The following WNT9B variants were observed in gnomAD, a reference collection of about 807,000 sequenced individuals.
The protein encoded by WNT9B is protein Wnt-9b.
A neutral mutation model predicts 30.2 loss-of-function variants in WNT9B; 12 were observed. The observed-to-expected ratio is 0.40, with a 90% CI of 0.26 to 0.64. The LOEUF (loss-of-function observed/expected upper bound fraction) is 0.64, where lower values mean the gene tolerates loss of function less well. WNT9B is among the 30% of genes least tolerant of loss of function. The pLI is 0.42. For missense variants in WNT9B, 442 were observed against 485.2 expected, an observed-to-expected ratio of 0.91 and a Z score of 0.84; for synonymous variants, 218 against 216.9, an observed-to-expected ratio of 1.01 and a Z score of -0.05.
intron 1 of WNT9B, among the ~76,000 whole-genome samples, chr17:46,863,843 C>T (rs1039893899): frequency 9.2e-5 from 14 of 152,140 alleles, no homozygotes; most frequent in African/African-American, 3.4e-4. Flanking sequence ...CCAAGGGAGC[C>T]GCTCACAACT....
chr17:46,862,475 T>G (rs1055385372), intron 1 of WNT9B, among the ~76,000 whole-genome samples: 4 of 152,194 alleles, frequency 2.6e-5, no homozygotes, highest in African/African-American at 9.7e-5. Context: ...ACTTGTAGTT[T>G]TCTGAGTTTC....
intron 3 of WNT9B, 78 bp from the exon 4 acceptor site, chr17:46,876,166 TG>T: frequency 1.5e-6 from 2 of 1,344,166 alleles, no homozygotes; most frequent in Non-Finnish European, 2.0e-6. Context: ...TCTGCCCTGC[TG>T]GGGTTGGTGC....
chr17:46,855,668 C>T (rs908882939), intron 1 of WNT9B, among the ~76,000 whole-genome samples: 1 of 152,198 alleles, frequency 6.6e-6, no homozygotes, highest in Non-Finnish European at 1.5e-5. Context: ...ATGAGCTGGG[C>T]ACAAGACAGG....
Position 46,851,670 on chromosome 17 carries a change from G to A in WNT9B, c.32G>A (p.Gly11Glu). 7.6e-7 allele frequency: 1 copy of A among 1,308,972 alleles called. No individual in the cohort carries two copies. Among genetic ancestry groups the A allele is most frequent in the Non-Finnish European group, 9.7e-7 (1 of 1,032,832 alleles). 81.1% of individuals were successfully genotyped at this position (1,308,972 alleles called of 1,614,324 possible). ...CCCCCGCCCGCGCTGGCCCTGGCCG[G>A]GCTCTGCCTGCTGGCGCTGCCCGCC... MRPPPALALA[G>E]LCLLALPAAA... Residue 11 changes from glycine to glutamate, a missense_variant, in exon 1 of 4, where the codon GGG becomes GAG. Coordinates refer to ENST00000290015, the MANE Select transcript of WNT9B (RefSeq NM_003396.3). This position sits in a 1 kb window ranked among gnomAD's most constrained non-coding sequence, Gnocchi z 4.3.
rs1296476775 is a variant in WNT9B, at chr17:46,880,442, G to A, written c.*3724G>A. ...TTTAGGGATCTCTTATTGAGCACCA[G>A]GCAGCATCCTGGGTGCTTGGTGCAG... On this transcript the variant is annotated 3_prime_UTR_variant, in exon 4 of 4. Coordinates refer to ENST00000290015, the MANE Select transcript of WNT9B (RefSeq NM_003396.3). Among the ~76,000 whole-genome samples, 4 of 152,206 alleles carry A rather than the reference G, an allele frequency of 2.6e-5. No individual in the cohort carries two copies. Among genetic ancestry groups the A allele is most frequent in the Non-Finnish European group, 4.4e-5 (3 of 68,036 alleles).
At chr17:46,866,343 G>T (rs952675161) in intron 1 of WNT9B, among the ~76,000 whole-genome samples, 5 of 152,186 alleles carry the variant, frequency 3.3e-5, no homozygotes, top group Middle Eastern at 6.8e-3. Context: ...AGGGGCTAGG[G>T]GTGTGTGAGA....
chr17:46,856,322 G>C (rs1414291661), intron 1 of WNT9B, among the ~76,000 whole-genome samples: 2 of 152,192 alleles, frequency 1.3e-5, no homozygotes, highest in Non-Finnish European at 2.9e-5. Context: ...TGGCACATAT[G>C]TGCTAAGTGC....
Position 46,872,693 on chromosome 17 carries a change from G to A in WNT9B, c.254G>A (p.Gly85Asp). ...ACCCTGAGGGATGCTGCGCACCTCGGCCTGCTTGAGTGCCAGTTTCAGTTC... is the reference window on the plus strand; with the variant it reads ...ACCCTGAGGGATGCTGCGCACCTCGACCTGCTTGAGTGCCAGTTTCAGTTC... ...AETLRDAAHL[G>D]LLECQFQFRH... The change falls in exon 2 of 4, where the codon GGC becomes GAC. Residue 85 changes from glycine to aspartate, a missense_variant. Transcript: ENST00000290015. The A allele has an allele frequency of 6.2e-7, 1 of 1,613,490 alleles. No homozygotes were observed.
intron 1 of WNT9B, among the ~76,000 whole-genome samples, chr17:46,856,616 T>C (rs1240378421): frequency 6.6e-6 from 1 of 151,918 alleles, no homozygotes; most frequent in East Asian, 1.9e-4. Flanking sequence ...CTCAAGTAGA[T>C]GGGATGACAA....
chr17:46,853,133 C>T (rs1430057246), intron 1 of WNT9B, among the ~76,000 whole-genome samples: 1 of 152,088 alleles, frequency 6.6e-6, no homozygotes, highest in African/African-American at 2.4e-5. Context: ...ATGGTTGTTC[C>T]CTCGGCAGGC....
chr17:46,874,885 T>A, intron 2 of WNT9B: 1 of 720,218 alleles, frequency 1.4e-6, no homozygotes, highest in East Asian at 2.7e-5. Context: ...GCCTGGAAGT[T>A]CCATTTAAAT....
rs533253241 is a variant in WNT9B at position 46,846,048 on chromosome 17, C to T, written c.95+12608C>T. Among the ~76,000 whole-genome samples the T allele has an allele frequency of 3.9e-5, 6 of 152,248 alleles. No individual in the cohort carries two copies. In the East Asian group the frequency reaches 9.6e-4, roughly 24 times the overall value. On this transcript the variant is annotated intron_variant, in intron 1 of 2. Transcript: ENST00000575372. Reference sequence around the variant, plus strand: ...TCAGGTGCTCCACCCACTTCAGCCTCCCAAAGTTCTGGGATTATAGGTGTG... The same window carrying T: ...TCAGGTGCTCCACCCACTTCAGCCTTCCAAAGTTCTGGGATTATAGGTGTG...
Position 46,851,763 on chromosome 17 carries a change from T to A in WNT9B, c.77+48T>A. On this transcript the variant is annotated intron_variant, in intron 1 of 3. Transcript: ENST00000290015. The surrounding 1 kb of genome is among the most constrained non-coding windows in gnomAD (Gnocchi z 4.3). ...GCCCGCTCCCCGGCCTGCCTGTCTC[T>A]CCCTCCTGCGCTACAGCTGGGCCAA... 1 of 1,013,552 alleles carries A rather than the reference T, an allele frequency of 9.9e-7. No homozygotes were observed. Among genetic ancestry groups the A allele is most frequent in the Non-Finnish European group, 1.3e-6 (1 of 781,262 alleles). 62.8% of individuals were successfully genotyped at this position (1,013,552 alleles called of 1,614,324 possible). A position where few individuals can be genotyped will look rare whatever the true frequency, so the allele number is the denominator to read the frequency against.
intron 1 of WNT9B, among the ~76,000 whole-genome samples, chr17:46,858,752 G>T (rs1257560052): frequency 6.6e-6 from 1 of 152,026 alleles, no homozygotes; most frequent in Admixed American, 6.6e-5. Context: ...CTACAGCCTC[G>T]ACCTTCTGGA....
intron 1 of WNT9B, among the ~76,000 whole-genome samples, chr17:46,855,986 G>A (rs2084932210): frequency 6.6e-6 from 1 of 152,192 alleles, no homozygotes; most frequent in Admixed American, 6.5e-5. Flanking sequence ...ACCATGCCCG[G>A]CCCCCAGTCC....
intron 1 of WNT9B, among the ~76,000 whole-genome samples, chr17:46,863,387 G>C (rs982769280): frequency 1.3e-5 from 2 of 152,226 alleles, no homozygotes; most frequent in Admixed American, 6.5e-5. Context: ...TCTGGACTGG[G>C]AAAGAATGGA....
intron 1 of WNT9B, among the ~76,000 whole-genome samples, chr17:46,868,904 G>A (rs1199489977): frequency 6.6e-6 from 1 of 152,216 alleles, no homozygotes; most frequent in African/African-American, 2.4e-5. Flanking sequence ...GAAGCCATGG[G>A]CTGAGCATGT....
intron 1 of WNT9B, among the ~76,000 whole-genome samples, chr17:46,871,399 C>T (rs2146596791): frequency 6.6e-6 from 1 of 152,306 alleles, no homozygotes; most frequent in South Asian, 2.1e-4. Flanking sequence ...ACTCTAATTC[C>T]AATTCCCACC....
intron 1 of WNT9B, among the ~76,000 whole-genome samples, chr17:46,840,042 T>C (rs2084693625): frequency 6.7e-6 from 1 of 149,728 alleles, no homozygotes; most frequent in African/African-American, 2.5e-5. Context: ...TTTTCTTTCT[T>C]TCTTTCTCTC....
Sources: gnomAD v4.1 joint callset for allele counts (sites outside exome capture counted in the v4.1 genomes callset) on GRCh38, gnomAD v4.1.1 for gene constraint, Gnocchi (gnomAD v3.1) non-coding constraint, MANE v1.5 for transcripts, NCBI Gene and HGNC (gene_info 2026-07-23, HGNC 2026-07-21) for gene names.